U2AF2: variants seen among roughly 807,000 people sequenced by gnomAD.
The protein encoded by U2AF2 is U2 small nuclear RNA auxiliary factor 2, also known as splicing factor U2AF 65 kDa subunit.
A neutral mutation model predicts 52.6 loss-of-function variants in U2AF2; 6 were observed. That is an observed-to-expected ratio of 0.11 (90% CI 0.06 to 0.23). The LOEUF is 0.23. U2AF2 is among the 10% of genes least tolerant of loss of function. The pLI is 1.00. For synonymous variants in U2AF2, 284 were observed against 258.2 expected, an observed-to-expected ratio of 1.10 and a Z score of -0.96; for missense variants, 222 against 677.1, an observed-to-expected ratio of 0.33 and a Z score of 7.46.
intron 1 of U2AF2, among the ~76,000 whole-genome samples, chr19:55,657,653 C>G (rs1228598176): frequency 6.8e-6 from 1 of 147,310 alleles, no homozygotes; most frequent in African/African-American, 2.7e-5. Context: ...GCCGATTGTT[C>G]CTCCCAATTT....
chr19:55,668,825 T>C lies in U2AF2; in HGVS notation c.945+33T>C, dbSNP rs756508708. ...CCCGGTCGCTGGCCGCTGCCGCGTC[T>C]GTCCTTCCCTGCCCTGCGCTGTTGC... On this transcript the variant is annotated intron_variant, in intron 9 of 11. Coordinates refer to ENST00000308924, the MANE Select transcript of U2AF2 (RefSeq NM_007279.3). This position sits in a 1 kb window ranked among gnomAD's most constrained non-coding sequence, Gnocchi z 5.5. 1.9e-6 allele frequency: 3 copies of C among 1,595,950 alleles called. No homozygotes were observed. The highest frequency in any genetic ancestry group is 2.6e-6 in the Non-Finnish European group (3 of 1,168,452).
At chr19:55,670,038 G>C (rs1419012307) in intron 11 of U2AF2, among the ~76,000 whole-genome samples, 1 of 152,120 alleles carries the variant, frequency 6.6e-6, no homozygotes, top group African/African-American at 2.4e-5. Flanking sequence ...GGTTTTGCCT[G>C]GTCTGTGGAG....
At chr19:55,673,075 T>C (rs1985026132) in intron 11 of U2AF2, among the ~76,000 whole-genome samples, 1 of 152,078 alleles carries the variant, frequency 6.6e-6, no homozygotes, top group South Asian at 2.1e-4. Context: ...CCCGCCATCA[T>C]GTCTGGCTAA....
chr19:55,661,376 T>TC (rs1297084853), intron 5 of U2AF2, 187 bp downstream of exon 5: 3 of 528,932 alleles, frequency 5.7e-6, no homozygotes, highest in South Asian at 7.0e-5. Context: ...CCTCCCTCCC[T>TC]CCTCTTCCCC....
At chr19:55,660,141 T>G in intron 2 of U2AF2, 36 bp from the exon 3 acceptor site, 1 of 1,586,110 alleles carries the variant, frequency 6.3e-7, no homozygotes, top group Non-Finnish European at 8.6e-7. Context: ...GGGTCCCCAG[T>G]CACCCCTCCC....
In U2AF2 at chr19:55,669,680, C is replaced by T. The variant is rs143591860; in HGVS notation, c.1281C>T (p.Pro427=). 5.1e-5 allele frequency: 82 copies of T among 1,606,464 alleles called. No homozygotes were observed. The highest frequency in any genetic ancestry group is 5.5e-5 in the Non-Finnish European group (65 of 1,176,248). The change falls in exon 11 of 12, where the codon CCC becomes CCT. Residue 427 remains proline (P), a synonymous_variant. Transcript: ENST00000308924. The part of the protein sequence containing the change: ...IPRPVDGVEV[P]GCGKIFVEFT... The stretch of plus-strand genomic sequence containing the variant: ...GGCCTGTGGACGGCGTCGAGGTGCC[C>T]GGCTGCGGAAAGGTCAGGAGGCCTC...
intron 11 of U2AF2, among the ~76,000 whole-genome samples, chr19:55,672,992 G>T (rs1039307325): frequency 1.3e-5 from 2 of 151,690 alleles, no homozygotes; most frequent in African/African-American, 2.4e-5. Flanking sequence ...ACCCAGGCTG[G>T]AGTGCAGTGG....
At chr19:55,657,353 C>T (rs971939787) in intron 1 of U2AF2, among the ~76,000 whole-genome samples, 1 of 152,238 alleles carries the variant, frequency 6.6e-6, no homozygotes, top group African/African-American at 2.4e-5. Context: ...GTGTCACTGC[C>T]TGTAGTCTTT....
intron 1 of U2AF2, 136 bp downstream of exon 1, chr19:55,655,289 G>C: frequency 1.2e-5 from 12 of 982,206 alleles, no homozygotes; most frequent in Non-Finnish European, 1.7e-5. Context: ...CGTGGCGCGC[G>C]CCTCGTTCAC....
rs775293468 is a variant in U2AF2, at chr19:55,668,508, G to T, written c.744G>T (p.Gly248=). 1 of 1,596,370 alleles carries T rather than the reference G, an allele frequency of 6.3e-7. No individual in the cohort carries two copies. Among genetic ancestry groups the T allele is most frequent in the Admixed American group, 1.7e-5 (1 of 58,690 alleles). The change falls in exon 8 of 12, where the codon GGG becomes GGT. Residue 248 remains glycine (G), a splice_region_variant and synonymous_variant. Transcript: ENST00000308924. This position sits in a 1 kb window ranked among gnomAD's most constrained non-coding sequence, Gnocchi z 5.5. ...AGTCCTCCTCTTCTCTACCCATAGG[G>T]GTTGTGTCCACTGTGGTCCCCGACT... ...MSENPSVYVP[G]VVSTVVPDSA...
chr19:55,661,281 C>G (rs951574338), intron 5 of U2AF2, 92 bp downstream of exon 5: 12 of 1,308,892 alleles, frequency 9.2e-6, no homozygotes, highest in African/African-American at 1.5e-5. Flanking sequence ...CTGCACGGGT[C>G]AGACTCTGCT....
chr19:55,663,559 C>T, intron 6 of U2AF2, 47 bp from the exon 7 acceptor site: 1 of 1,601,712 alleles, frequency 6.2e-7, no homozygotes, highest in Non-Finnish European at 8.5e-7. Context: ...AGGGGCTGTA[C>T]TAGTCCCTGA....
intron 1 of U2AF2, among the ~76,000 whole-genome samples, chr19:55,657,430 C>T (rs1281263751): frequency 1.3e-5 from 2 of 152,300 alleles, no homozygotes; most frequent in African/African-American, 2.4e-5. Context: ...CCTCTGCTAC[C>T]TGTATCTACA....
intron 7 of U2AF2, among the ~76,000 whole-genome samples, chr19:55,666,768 C>G (rs1984575897): frequency 6.6e-6 from 1 of 152,244 alleles, no homozygotes; most frequent in Non-Finnish European, 1.5e-5. Context: ...CTCTGTGTTG[C>G]TCAAGTGAGA....
intron 6 of U2AF2, among the ~76,000 whole-genome samples, 200 bp downstream of exon 6, chr19:55,662,818 G>C (rs556177629): frequency 6.6e-6 from 1 of 152,210 alleles, no homozygotes; most frequent in South Asian, 2.1e-4. Context: ...CTTTCTGTGT[G>C]ACCTGAGAGG....
intron 11 of U2AF2, among the ~76,000 whole-genome samples, chr19:55,670,041 C>T (rs1386362553): frequency 6.6e-6 from 1 of 152,132 alleles, no homozygotes; most frequent in Non-Finnish European, 1.5e-5. Context: ...TTTGCCTGGT[C>T]TGTGGAGTGG....
chr19:55,660,157 C>A lies in U2AF2; in HGVS notation c.186-20C>A. On this transcript the variant is annotated intron_variant, in intron 2 of 11. Transcript: ENST00000308924. Reference sequence around the variant, plus strand: ...GGTCCCCAGTCACCCCTCCCCATACCTTTCCCTCCCACCCCCCAGCAAACC... The same window carrying A: ...GGTCCCCAGTCACCCCTCCCCATACATTTCCCTCCCACCCCCCAGCAAACC... 2 of 1,594,254 alleles carry A rather than the reference C, an allele frequency of 1.3e-6. No homozygotes were observed. Among genetic ancestry groups the A allele is most frequent in the Non-Finnish European group, 1.7e-6 (2 of 1,166,984 alleles).
At chr19:55,666,404 A>G (rs959427674) in intron 7 of U2AF2, among the ~76,000 whole-genome samples, 6 of 152,162 alleles carry the variant, frequency 3.9e-5, no homozygotes, top group African/African-American at 1.2e-4. Context: ...GTCCTCAGTG[A>G]TGAGTGGAGG....
chr19:55,660,355 C>G (rs1320289862), intron 3 of U2AF2, 134 bp downstream of exon 3: 1 of 1,162,664 alleles, frequency 8.6e-7, no homozygotes, highest in Non-Finnish European at 1.2e-6. Context: ...GAAACCAGCA[C>G]CCCTTTCCCA....
Sources: gnomAD v4.1 joint callset for allele counts (sites outside exome capture counted in the v4.1 genomes callset) on GRCh38, gnomAD v4.1.1 for gene constraint, Gnocchi (gnomAD v3.1) non-coding constraint, MANE v1.5 for transcripts, NCBI Gene and HGNC (gene_info 2026-07-23, HGNC 2026-07-21) for gene names.